The following LRRC20 variants were observed in gnomAD, a reference collection of about 807,000 sequenced individuals.
The protein encoded by LRRC20 is leucine-rich repeat-containing protein 20.
Under a neutral mutation model 14.4 loss-of-function variants are expected in LRRC20, and 11 were observed. The observed-to-expected ratio is 0.77, with a 90% CI of 0.48 to 1.27. LRRC20 has a LOEUF of 1.27. Ranked by LOEUF, LRRC20 falls within the 50% of genes most tolerant of loss-of-function variation. LRRC20 has a pLI of 0.00. For synonymous variants in LRRC20, 121 were observed against 107.3 expected (o/e 1.13, Z -0.79); for missense variants, 219 against 251.2 (o/e 0.87, Z 0.87).
At chr10:70,325,478 G>A (rs1842283723) in intron 3 of LRRC20, among the ~76,000 whole-genome samples, 1 of 152,184 alleles carries the variant, frequency 6.6e-6, no homozygotes, top group Non-Finnish European at 1.5e-5. Flanking sequence ...GGAGCACGCA[G>A]GCAACAGCTC....
At chr10:70,304,826 A>G (rs926351276) in intron 4 of LRRC20, among the ~76,000 whole-genome samples, 2 of 152,182 alleles carry the variant, frequency 1.3e-5, no homozygotes, top group African/African-American at 4.8e-5. Context: ...CACTGAGCAT[A>G]ATGTCCTCAA....
At chr10:70,372,072 G>A (rs1037915420) in intron 2 of LRRC20, among the ~76,000 whole-genome samples, 1 of 151,546 alleles carries the variant, frequency 6.6e-6, no homozygotes, top group Middle Eastern at 3.5e-3. Flanking sequence ...GCACCACCCC[G>A]GGAGGGAACC....
chr10:70,352,582 CAAT>C (rs1405275464), intron 2 of LRRC20, among the ~76,000 whole-genome samples: 1 of 152,158 alleles, frequency 6.6e-6, no homozygotes, highest in Non-Finnish European at 1.5e-5. Context: ...CTTTGGGTAA[CAAT>C]GATGCACCAA....
At chr10:70,377,952 C>T (rs988764949) in intron 1 of LRRC20, among the ~76,000 whole-genome samples, 4 of 152,166 alleles carry the variant, frequency 2.6e-5, no homozygotes, top group Non-Finnish European at 5.9e-5. Flanking sequence ...GGCTGAGAGG[C>T]CTTGGGAGAG....
intron 1 of LRRC20, chr10:70,381,977 C>T (rs1200153180): frequency 1.3e-5 from 2 of 152,374 alleles, no homozygotes; most frequent in Non-Finnish European, 2.9e-5. Context: ...CCGCCTCACC[C>T]CCGGTGCCTG....
Position 70,382,596 on chromosome 10 carries a change from C to A in LRRC20, c.-111G>T, listed in dbSNP as rs1047129678. The A allele has an allele frequency of 6.6e-6, 1 of 151,574 alleles. No homozygotes were observed. The highest frequency in any genetic ancestry group is 1.5e-5 in the Non-Finnish European group (1 of 67,736). 9.4% of individuals were successfully genotyped at this position (151,574 alleles called of 1,614,324 possible). On this transcript the variant is annotated 5_prime_UTR_variant, in exon 1 of 5. Coordinates refer to ENST00000446961, the MANE Select transcript of LRRC20 (RefSeq NM_001278212.2). Reference sequence around the variant, plus strand: ...CTGCGCAGCGCAGTCACGCTCCCTCCGCCGCCGGCGGCGCCCCAGGCGAGT... The same window carrying A: ...CTGCGCAGCGCAGTCACGCTCCCTCAGCCGCCGGCGGCGCCCCAGGCGAGT...
At chr10:70,368,049 T>C (rs1317650585) in intron 2 of LRRC20, among the ~76,000 whole-genome samples, 2 of 100,462 alleles carry the variant, frequency 2.0e-5, no homozygotes, top group Non-Finnish European at 4.0e-5. Context: ...AGTAGCACAA[T>C]CTTGGCTCAC....
chr10:70,319,450 T>C (rs1564617088), intron 4 of LRRC20, among the ~76,000 whole-genome samples: 1 of 152,158 alleles, frequency 6.6e-6, no homozygotes, highest in African/African-American at 2.4e-5. Context: ...CATGTCCCTA[T>C]GTCATCACTC....
At chr10:70,347,146 T>C (rs1354639194) in intron 2 of LRRC20, among the ~76,000 whole-genome samples, 2 of 152,238 alleles carry the variant, frequency 1.3e-5, no homozygotes, top group African/African-American at 4.8e-5. Flanking sequence ...TCATGTTCCC[T>C]AAGTGCTAAA....
At chr10:70,323,487 C>T (rs1008731045) in intron 4 of LRRC20, among the ~76,000 whole-genome samples, 4 of 152,160 alleles carry the variant, frequency 2.6e-5, no homozygotes, top group African/African-American at 9.7e-5. Context: ...GTGAAGAGGT[C>T]TCTGTGAAGC....
intron 4 of LRRC20, among the ~76,000 whole-genome samples, chr10:70,311,892 G>A (rs3812699): frequency 0.45 from 68,515 of 152,114 alleles, 16,267 homozygotes; most frequent in Middle Eastern, 0.62. Context: ...AGAGTGGGCA[G>A]TGTTTACACA....
chr10:70,345,588 A>G (rs1843045030), intron 2 of LRRC20, among the ~76,000 whole-genome samples: 1 of 152,214 alleles, frequency 6.6e-6, no homozygotes, highest in Non-Finnish European at 1.5e-5. Context: ...ATAATTGAAT[A>G]AAGAAAAAAT....
intron 2 of LRRC20, among the ~76,000 whole-genome samples, chr10:70,355,569 G>A (rs1843488382): frequency 1.3e-5 from 2 of 152,162 alleles, no homozygotes; most frequent in South Asian, 4.1e-4. Context: ...GAGACGTGGG[G>A]AAACCACTCA....
chr10:70,330,481 G>C (rs1842496434), intron 3 of LRRC20, among the ~76,000 whole-genome samples: 1 of 152,170 alleles, frequency 6.6e-6, no homozygotes, highest in South Asian at 2.1e-4. Flanking sequence ...GGAGGGCAAA[G>C]ACAGCAGGTT....
At chr10:70,319,945 G>A (rs1564617296) in intron 4 of LRRC20, among the ~76,000 whole-genome samples, 1 of 152,222 alleles carries the variant, frequency 6.6e-6, no homozygotes, top group Non-Finnish European at 1.5e-5. Flanking sequence ...CTGTGTGTCT[G>A]CCAGGGAGTC....
At chr10:70,350,477 T>C (rs1028191850) in intron 2 of LRRC20, among the ~76,000 whole-genome samples, 4 of 152,224 alleles carry the variant, frequency 2.6e-5, no homozygotes, top group African/African-American at 9.6e-5. Context: ...AATGAATGCT[T>C]GATGAAAAGT....
chr10:70,308,863 A>G (rs1036990006), intron 4 of LRRC20, among the ~76,000 whole-genome samples: 2 of 152,210 alleles, frequency 1.3e-5, no homozygotes, highest in African/African-American at 4.8e-5. Flanking sequence ...TCTGGAGCTC[A>G]TGTGGGTACA....
chr10:70,358,783 G>A (rs551898150), intron 2 of LRRC20, among the ~76,000 whole-genome samples: 35 of 152,248 alleles, frequency 2.3e-4, no homozygotes, highest in African/African-American at 8.2e-4. Flanking sequence ...CGTGGGACCT[G>A]GACTGTTTTC....
At chr10:70,326,297 T>TACACACACACAC (rs3998644) in intron 3 of LRRC20, among the ~76,000 whole-genome samples, 2,307 of 140,436 alleles carry the variant, frequency 0.016, 34 homozygotes, top group African/African-American at 0.029. Context: ...CGCCTCTGTG[T>TACACACACACAC]ACACACACAC....
Sources: gnomAD v4.1 joint callset for allele counts (sites outside exome capture counted in the v4.1 genomes callset) on GRCh38, gnomAD v4.1.1 for gene constraint, MANE v1.5 for transcripts, NCBI Gene and HGNC (gene_info 2026-07-23, HGNC 2026-07-21) for gene names.